CSNK1G1: variants seen among roughly 807,000 people sequenced by gnomAD.
The protein encoded by CSNK1G1 is casein kinase I isoform gamma-1.
CSNK1G1 carries 22 observed loss-of-function variants against 59.6 expected under a neutral mutation model. The ratio of observed to expected loss-of-function variants is 0.37; its 90% CI spans 0.26 to 0.53. The LOEUF (loss-of-function observed/expected upper bound fraction) is 0.53, where lower values mean the gene tolerates loss of function less well. Ranked by LOEUF, CSNK1G1 falls within the 20% of genes least tolerant of loss-of-function variation. The probability of loss-of-function intolerance (pLI) is 0.89; values close to 1 mark genes in which losing one functional copy is unlikely to be tolerated. For missense variants in CSNK1G1, 384 were observed against 519.5 expected, an observed-to-expected ratio of 0.74 and a Z score of 2.54; for synonymous variants, 179 against 177.1, an observed-to-expected ratio of 1.01 and a Z score of -0.08.
At chr15:64,248,108 C>T (rs1891852402) in intron 4 of CSNK1G1, among the ~76,000 whole-genome samples, 1 of 152,180 alleles carries the variant, frequency 6.6e-6, no homozygotes, top group African/African-American at 2.4e-5. Context: ...ATTTACAATG[C>T]TGCAACATCA....
intron 1 of CSNK1G1, among the ~76,000 whole-genome samples, chr15:64,303,081 A>G (rs1406422747): frequency 6.6e-6 from 1 of 151,834 alleles, no homozygotes; most frequent in Non-Finnish European, 1.5e-5. Flanking sequence ...AAACCCATAG[A>G]AGCCAGGTGC....
intron 1 of CSNK1G1, among the ~76,000 whole-genome samples, chr15:64,306,725 A>G (rs1895703580): frequency 6.6e-6 from 1 of 152,180 alleles, no homozygotes; most frequent in Admixed American, 6.5e-5. Flanking sequence ...AAATGAAAAC[A>G]CTAAGATTTC....
intron 4 of CSNK1G1, among the ~76,000 whole-genome samples, chr15:64,241,256 C>T (rs544039939): frequency 6.6e-6 from 1 of 152,106 alleles, no homozygotes; most frequent in African/African-American, 2.4e-5. Flanking sequence ...CTGTAAAAAG[C>T]AACAAAGAAG....
intron 6 of CSNK1G1, among the ~76,000 whole-genome samples, chr15:64,212,152 G>C (rs960571502): frequency 1.5e-4 from 23 of 152,304 alleles, no homozygotes; most frequent in African/African-American, 5.1e-4. Context: ...GTTTCAGTGA[G>C]ATTAAGTAAC....
chr15:64,326,352 A>G (rs1270123608), intron 1 of CSNK1G1, among the ~76,000 whole-genome samples: 1 of 152,160 alleles, frequency 6.6e-6, no homozygotes, highest in African/African-American at 2.4e-5. Flanking sequence ...ACATTTAAAA[A>G]AGTAGTTTAG....
Position 64,204,845 on chromosome 15 carries a change from A to T in CSNK1G1, c.850+20T>A, listed in dbSNP as rs548192542. The T allele has an allele frequency of 2.6e-6, 4 of 1,523,882 alleles. No individual in the cohort carries two copies. The highest frequency in any genetic ancestry group is 1.8e-6 in the Non-Finnish European group (2 of 1,098,146). The allele number at this position is 1,523,882 out of a possible 1,614,324, so 94.4% of individuals were successfully genotyped here. ...AGTTTCAAAGCTCAGTCACACTGGA[A>T]TGTCTTTTTAGCATCCCACCTGGAA... is the stretch of plus-strand genomic sequence containing the variant. On this transcript the variant is annotated intron_variant, in intron 8 of 11. Transcript: ENST00000303052.
intron 1 of CSNK1G1, among the ~76,000 whole-genome samples, chr15:64,347,531 G>T (rs540034951): frequency 6.8e-6 from 1 of 146,722 alleles, no homozygotes; most frequent in Admixed American, 7.0e-5. Context: ...CAGGAGGATC[G>T]CTTGAGCCCA....
At chr15:64,230,082 C>T (rs1286345040) in intron 4 of CSNK1G1, among the ~76,000 whole-genome samples, 2 of 151,186 alleles carry the variant, frequency 1.3e-5, no homozygotes, top group Admixed American at 6.6e-5. Context: ...CCACCGTGCC[C>T]GGCTAATTTT....
chr15:64,305,043 C>A (rs1309797287), intron 1 of CSNK1G1, among the ~76,000 whole-genome samples: 2 of 152,156 alleles, frequency 1.3e-5, no homozygotes, highest in East Asian at 3.9e-4. Flanking sequence ...AACCAAAAAT[C>A]TTTCTCCTTA....
chr15:64,274,550 T>C (rs982961670), intron 2 of CSNK1G1, among the ~76,000 whole-genome samples: 2 of 152,162 alleles, frequency 1.3e-5, no homozygotes, highest in African/African-American at 4.8e-5. Context: ...CCACAACGCT[T>C]CCCAAGCTCA....
rs533921028 is a variant in CSNK1G1, at chr15:64,341,378, T to G, written c.-225+14610A>C. Among the ~76,000 whole-genome samples, 16 of 152,250 alleles carry G rather than the reference T, an allele frequency of 1.1e-4. 1 individual carries two copies. In the South Asian group the frequency reaches 3.1e-3, roughly 30 times the overall value. The stretch of plus-strand genomic sequence containing the variant: ...TGGTCTCAATCTCCTGACCTCATGA[T>G]CCACCCGCCTTGGCCTCCCAAAGTG... On this transcript the variant is annotated intron_variant, in intron 1 of 11. Transcript: ENST00000303052.
chr15:64,291,770 T>C (rs926825722), intron 2 of CSNK1G1, among the ~76,000 whole-genome samples: 3 of 152,190 alleles, frequency 2.0e-5, no homozygotes, highest in Non-Finnish European at 4.4e-5. Context: ...TCTTTTCTCA[T>C]TGACTTGGAG....
rs1479171428 is a variant in CSNK1G1, at chr15:64,166,249, A to G, written c.*5682T>C. ...AATGGGCAAAGATCAAAGACAGATA[A>G]ATAATAATATAATAAATTAGAGCAT... On this transcript the variant is annotated 3_prime_UTR_variant, in exon 12 of 12. Coordinates refer to ENST00000303052, the MANE Select transcript of CSNK1G1 (RefSeq NM_022048.5). This position sits in a 1 kb window ranked among gnomAD's most constrained non-coding sequence, Gnocchi z 4.5. The G allele has an allele frequency of 2.5e-6, 1 of 397,638 alleles. No homozygotes were observed. Among genetic ancestry groups the G allele is most frequent in the Non-Finnish European group, 4.4e-6 (1 of 225,498 alleles). 24.6% of individuals were successfully genotyped at this position (397,638 alleles called of 1,614,324 possible).
At chr15:64,251,462 T>C in intron 4 of CSNK1G1, 50 bp downstream of exon 4, 1 of 1,350,808 alleles carries the variant, frequency 7.4e-7, no homozygotes, top group Middle Eastern at 1.8e-4. Context: ...ATTTTAGGGC[T>C]TCCAGCTAAG....
intron 2 of CSNK1G1, among the ~76,000 whole-genome samples, chr15:64,263,871 A>G (rs1362443736): frequency 6.8e-6 from 1 of 147,170 alleles, no homozygotes; most frequent in African/African-American, 2.5e-5. Flanking sequence ...TATACTTTCT[A>G]GTCTTAAGAC....
At chr15:64,327,693 AGAG>A (rs1461128427) in intron 1 of CSNK1G1, among the ~76,000 whole-genome samples, 2 of 151,980 alleles carry the variant, frequency 1.3e-5, no homozygotes, top group Admixed American at 6.6e-5. Context: ...TGACGAGGTG[AGAG>A]AAGAAGGCTT....
intron 6 of CSNK1G1, among the ~76,000 whole-genome samples, chr15:64,211,644 TTACA>T (rs759154410): frequency 6.6e-6 from 1 of 152,198 alleles, no homozygotes; most frequent in Non-Finnish European, 1.5e-5. Flanking sequence ...GCTAAACATT[TTACA>T]TACATTATCT....
At chr15:64,294,003 A>G (rs998343278) in intron 2 of CSNK1G1, among the ~76,000 whole-genome samples, 6 of 152,238 alleles carry the variant, frequency 3.9e-5, no homozygotes, top group African/African-American at 1.4e-4. Flanking sequence ...ATTGAATACT[A>G]TAGAAATATT....
chr15:64,231,191 T>G (rs1234221797), intron 4 of CSNK1G1, among the ~76,000 whole-genome samples: 2 of 139,072 alleles, frequency 1.4e-5, no homozygotes, highest in Non-Finnish European at 3.0e-5. Flanking sequence ...GTTGAGCGTG[T>G]GATGTATGCC....
Sources: allele counts gnomAD v4.1 joint callset (sites outside exome capture counted in the v4.1 genomes callset), GRCh38; gene constraint gnomAD v4.1.1; non-coding constraint Gnocchi (gnomAD v3.1); transcripts MANE v1.5; gene names NCBI Gene and HGNC (gene_info 2026-07-23, HGNC 2026-07-21).